The following AGBL1 variants were observed in gnomAD, a reference collection of about 807,000 sequenced individuals.
AGBL1 encodes cytosolic carboxypeptidase 4.
A neutral mutation model predicts 118.9 loss-of-function variants in AGBL1; 130 were observed. That is an observed-to-expected ratio of 1.09 (90% confidence interval 0.95 to 1.26). The LOEUF (loss-of-function observed/expected upper bound fraction) is 1.26, where lower values mean the gene tolerates loss of function less well. Among genes scored for constraint, AGBL1 ranks in the 50% most tolerant of loss-of-function variants. The pLI is 0.00. For missense variants in AGBL1, 1,584 were observed against 1,298.1 expected, an observed-to-expected ratio of 1.22 and a Z score of -3.38; for synonymous variants, 555 against 478.9, an observed-to-expected ratio of 1.16 and a Z score of -2.08.
chr15:86,657,770 C>A (rs2085484055), intron 21 of AGBL1, among the ~76,000 whole-genome samples: 1 of 151,836 alleles, frequency 6.6e-6, no homozygotes, highest in South Asian at 2.1e-4. Flanking sequence ...CGTAAGTCTC[C>A]TACTTCTGAG....
intron 6 of AGBL1, among the ~76,000 whole-genome samples, chr15:86,239,806 A>G (rs1043529628): frequency 1.3e-5 from 2 of 152,178 alleles, no homozygotes; most frequent in African/African-American, 2.4e-5. Flanking sequence ...CTTCCTCAAG[A>G]AGCTGGATTA....
intron 23 of AGBL1, among the ~76,000 whole-genome samples, chr15:86,928,181 G>A (rs2141630760): frequency 6.6e-6 from 1 of 152,292 alleles, no homozygotes; most frequent in South Asian, 2.1e-4. Flanking sequence ...GGCAATTGAT[G>A]GCATGAAGAA....
At chr15:86,301,561 G>C (rs2079745193) in intron 17 of AGBL1, among the ~76,000 whole-genome samples, 1 of 151,716 alleles carries the variant, frequency 6.6e-6, no homozygotes. Context: ...CATCTTTTCA[G>C]GCAACCTGGG....
intron 18 of AGBL1, among the ~76,000 whole-genome samples, chr15:86,484,130 G>T (rs538285071): frequency 6.6e-6 from 1 of 152,190 alleles, no homozygotes; most frequent in African/African-American, 2.4e-5. Context: ...TGCAACATCT[G>T]GCTTGAGCAG....
At chr15:86,973,299 A>G (rs1210098336) in intron 23 of AGBL1, among the ~76,000 whole-genome samples, 1 of 152,100 alleles carries the variant, frequency 6.6e-6, no homozygotes, top group African/African-American at 2.4e-5. Context: ...TTTTATGCTC[A>G]TGAAACCTAA....
At chr15:86,646,539 C>G (rs1236413786) in intron 21 of AGBL1, among the ~76,000 whole-genome samples, 1 of 152,122 alleles carries the variant, frequency 6.6e-6, no homozygotes, top group Non-Finnish European at 1.5e-5. Context: ...TCTCATGTTC[C>G]CTTCCCACAC....
intron 16 of AGBL1, among the ~76,000 whole-genome samples, chr15:86,287,172 C>T (rs1287577403): frequency 6.6e-6 from 1 of 152,096 alleles, no homozygotes; most frequent in African/African-American, 2.4e-5. Context: ...AATGCCTATT[C>T]AGGCCATTTG....
chr15:86,503,142 T>A (rs989366704), intron 18 of AGBL1, among the ~76,000 whole-genome samples: 5 of 151,482 alleles, frequency 3.3e-5, no homozygotes, highest in African/African-American at 7.3e-5. Flanking sequence ...TATTTCAATT[T>A]AATATTTTCT....
At chr15:86,380,143 C>G (rs1464092405) in intron 17 of AGBL1, among the ~76,000 whole-genome samples, 1 of 152,010 alleles carries the variant, frequency 6.6e-6, no homozygotes, top group African/African-American at 2.4e-5. Context: ...AAACTGACGA[C>G]CAAAAAATTC....
intron 17 of AGBL1, among the ~76,000 whole-genome samples, chr15:86,372,740 G>A (rs1046923817): frequency 1.3e-5 from 2 of 151,978 alleles, no homozygotes; most frequent in Admixed American, 6.5e-5. Flanking sequence ...TCTGTCTCAC[G>A]CCAGCCTGGC....
At chr15:86,104,395 C>T (rs2141512121) in intron 1 of AGBL1, among the ~76,000 whole-genome samples, 1 of 152,292 alleles carries the variant, frequency 6.6e-6, no homozygotes, top group Middle Eastern at 3.4e-3. Context: ...TATATGCTTT[C>T]ACCCCAGTTG....
chr15:86,419,869 C>G (rs990951788), intron 18 of AGBL1, among the ~76,000 whole-genome samples: 1 of 152,134 alleles, frequency 6.6e-6, no homozygotes, highest in Non-Finnish European at 1.5e-5. Flanking sequence ...TGGGCAGAGC[C>G]CCCTATAGCT....
At chr15:86,286,821 G>A (rs112832853) in intron 16 of AGBL1, among the ~76,000 whole-genome samples, 1 of 150,474 alleles carries the variant, frequency 6.6e-6, no homozygotes, top group Non-Finnish European at 1.5e-5. Flanking sequence ...CTGAACATAG[G>A]GGTGTATACA....
At chr15:86,217,355 C>A (rs540018912) in intron 5 of AGBL1, among the ~76,000 whole-genome samples, 1 of 152,236 alleles carries the variant, frequency 6.6e-6, no homozygotes, top group East Asian at 1.9e-4. Flanking sequence ...AAAGGTTTAG[C>A]AAACATTTGA....
At chr15:86,606,472 A>G (rs1195515681) in intron 21 of AGBL1, among the ~76,000 whole-genome samples, 2 of 152,192 alleles carry the variant, frequency 1.3e-5, no homozygotes. Context: ...TTGGTATCTG[A>G]CATTATTGGA....
At chr15:86,370,623 T>A (rs1400675790) in intron 17 of AGBL1, among the ~76,000 whole-genome samples, 1 of 152,150 alleles carries the variant, frequency 6.6e-6, no homozygotes, top group Non-Finnish European at 1.5e-5. Context: ...CCAGGACAGG[T>A]GATACCTGCC....
chr15:86,764,814 A>T (rs531874950), intron 22 of AGBL1, among the ~76,000 whole-genome samples: 3 of 152,054 alleles, frequency 2.0e-5, no homozygotes, highest in Non-Finnish European at 4.4e-5. Flanking sequence ...ATGAATTTTC[A>T]TGTTAATTTG....
At chr15:86,226,180 C>A (rs72752180) in intron 6 of AGBL1, among the ~76,000 whole-genome samples, 1,545 of 152,216 alleles carry the variant, frequency 0.01, 13 homozygotes, top group Middle Eastern at 0.055. Flanking sequence ...ACTGTGGGTT[C>A]TGGGGAGAGG....
chr15:86,397,494 T>C lies in AGBL1; in HGVS notation c.2503T>C (p.Phe835Leu), dbSNP rs776595502. The C allele has an allele frequency of 5.6e-6, 9 of 1,612,878 alleles. No homozygotes were observed. The African/African-American group carries it at 1.2e-4, about 22-fold the overall frequency. ...TGTGGCTAGGCTCTTGAGGGAAAAC[T>C]TCATCTTCAAGATCATACCCATGCT... ...DPVARLLREN[F>L]IFKIIPMLNP... Residue 835 changes from phenylalanine to leucine, a missense_variant, in exon 18 of 23, where the codon TTC (phenylalanine) becomes CTC (leucine). By Grantham distance (22) the Phe-to-Leu change is conservative (BLOSUM62 0). Coordinates refer to ENST00000614907, the MANE Select transcript of AGBL1 (RefSeq NM_001386094.1).
Sources: allele counts gnomAD v4.1 joint callset (sites outside exome capture counted in the v4.1 genomes callset), GRCh38; gene constraint gnomAD v4.1.1; transcripts MANE v1.5; gene names NCBI Gene and HGNC (gene_info 2026-07-23, HGNC 2026-07-21).